The following COL4A6 variants were observed in gnomAD, a reference collection of about 807,000 sequenced individuals.
The protein encoded by COL4A6 is collagen alpha-6(IV) chain.
COL4A6 carries 59 observed loss-of-function variants against 126.7 expected under a neutral mutation model. The observed-to-expected ratio is 0.47, with a 90% CI of 0.38 to 0.58. The LOEUF is 0.58. Among genes scored for constraint, COL4A6 ranks in the 20% least tolerant of loss-of-function variants. The pLI is 0.00. For synonymous variants in COL4A6, 547 were observed against 496.6 expected (o/e 1.10, Z -1.35); for missense variants, 1,285 against 1,337.3 (o/e 0.96, Z 0.61).
intron 2 of COL4A6, among the ~76,000 whole-genome samples, chrX:108,316,634 T>C (rs890879354): frequency 2.7e-5 from 3 of 111,767 alleles, no homozygotes; most frequent in African/African-American, 9.8e-5. Context: ...AATCATAAAC[T>C]TTAGGGTGGG....
rs753004031 is a variant in COL4A6 at position 108,169,576 on chromosome X, G to A, written c.3610C>T (p.Pro1204Ser). 2.6e-5 allele frequency: 32 copies of A among 1,209,449 alleles called. No individual in the cohort carries two copies. The East Asian group carries it at 9.2e-4, about 35-fold the overall frequency. ...CCTGGATATCCTTTTTCTCCTTTGG[G>A]TCCAGGGAGACCAGCAGGCCCAGGC... ...GVPGPAGLPG[P>S]KGEKGYPGIG... The change falls in exon 37 of 45, where the codon CCC becomes TCC. Residue 1204 changes from proline (P) to serine (S), a missense_variant. Physicochemically the swap from Pro to Ser is moderately conservative, Grantham distance 74. Transcript: ENST00000334504.
chrX:108,406,273 T>A (rs750497370), intron 2 of COL4A6, among the ~76,000 whole-genome samples: 2 of 112,005 alleles, frequency 1.8e-5, no homozygotes, highest in South Asian at 7.5e-4. Flanking sequence ...ACCAAGCCCA[T>A]GAATCTGTTT....
chrX:108,351,699 G>T (rs961946400), intron 2 of COL4A6, among the ~76,000 whole-genome samples: 16 of 111,258 alleles, frequency 1.4e-4, no homozygotes, highest in Non-Finnish European at 1.3e-4. Context: ...TGCTTGTAGA[G>T]GCACAGAAAG....
chrX:108,209,461 GT>G (rs949074591), intron 8 of COL4A6, among the ~76,000 whole-genome samples: 2 of 111,116 alleles, frequency 1.8e-5, no homozygotes, highest in African/African-American at 6.5e-5. Context: ...GGAAAGAAAG[GT>G]TTTTTTCTTA....
chrX:108,217,950 G>C (rs944856410), intron 5 of COL4A6, among the ~76,000 whole-genome samples: 12 of 111,981 alleles, frequency 1.1e-4, no homozygotes, highest in Non-Finnish European at 9.4e-5. Flanking sequence ...GGAGCAGTAA[G>C]CTCATTAAGA....
In COL4A6 at chrX:108,194,663, G is replaced by A. The variant is rs141137445; in HGVS notation, c.949-76C>T. 7.6e-3 allele frequency: 7,350 copies of A among 962,307 alleles called. 300 individuals are homozygous for A. In the African/African-American group the frequency reaches 0.12, roughly 16 times the overall value. 79.3% of individuals were successfully genotyped at this position (962,307 alleles called of 1,213,427 possible). A position where few individuals can be genotyped will look rare whatever the true frequency, so the allele number is the denominator to read the frequency against. On this transcript the variant is annotated intron_variant, in intron 15 of 44. Coordinates refer to ENST00000334504, the MANE Select transcript of COL4A6 (RefSeq NM_033641.4). The stretch of plus-strand genomic sequence containing the variant: ...GAGTCTGGTCTTTGGATTAAGCCAG[G>A]GCAAATGGCACAGGGATCTTGGATG...
chrX:108,407,117 G>A lies in COL4A6; in HGVS notation c.63+30825C>T, dbSNP rs1181937855. 3.6e-5 allele frequency among the ~76,000 whole-genome samples: 4 copies of A among 112,320 alleles called. No individual in the cohort carries two copies. The East Asian group carries it at 1.1e-3, about 31-fold the overall frequency. On this transcript the variant is annotated intron_variant, in intron 2 of 44. Transcript: ENST00000334504. ...TACCAGAAATCTCAACTCTGGGAGC[G>A]AATTATATGTAATAGAACGGCTTTG...
intron 7 of COL4A6, among the ~76,000 whole-genome samples, 161 bp from the exon 8 acceptor site, chrX:108,210,165 G>A (rs1443359172): frequency 4.4e-5 from 5 of 112,469 alleles, no homozygotes; most frequent in African/African-American, 9.7e-5. Context: ...GGACATATTC[G>A]ACTGTTTAGA....
intron 2 of COL4A6, among the ~76,000 whole-genome samples, chrX:108,314,806 T>A (rs2038842418): frequency 8.9e-6 from 1 of 112,306 alleles, no homozygotes. Flanking sequence ...ATGGCAACAG[T>A]ATCTACTGTA....
At chrX:108,263,830 G>C (rs1277350942) in intron 3 of COL4A6, among the ~76,000 whole-genome samples, 5 of 111,401 alleles carry the variant, frequency 4.5e-5, no homozygotes, top group African/African-American at 1.6e-4. Flanking sequence ...GGAGCCACTG[G>C]CTTGGTGCAA....
At chrX:108,172,664 G>T in intron 31 of COL4A6, 132 bp from the exon 32 acceptor site, 1 of 456,131 alleles carries the variant, frequency 2.2e-6, no homozygotes, top group South Asian at 6.2e-5. Flanking sequence ...GTGGACTGTG[G>T]GCTGGAAGTG....
intron 13 of COL4A6, among the ~76,000 whole-genome samples, chrX:108,197,448 T>C (rs1367559298): frequency 8.9e-6 from 1 of 112,412 alleles, no homozygotes; most frequent in African/African-American, 3.2e-5. Context: ...TTTGTTGTTG[T>C]TTAAAATTGT....
chrX:108,342,198 C>G (rs945787702), intron 2 of COL4A6, among the ~76,000 whole-genome samples: 1 of 111,945 alleles, frequency 8.9e-6, no homozygotes, highest in African/African-American at 3.2e-5. Flanking sequence ...ATTATGCAAC[C>G]AACTCCCCTT....
chrX:108,215,242 GTTA>G (rs1172955485), intron 5 of COL4A6, among the ~76,000 whole-genome samples: 1 of 112,068 alleles, frequency 8.9e-6, no homozygotes, highest in African/African-American at 3.2e-5. Context: ...CATTTTCGTT[GTTA>G]TTATAGTTGT....
At chrX:108,277,746 A>T (rs1423669543) in intron 3 of COL4A6, among the ~76,000 whole-genome samples, 1 of 111,925 alleles carries the variant, frequency 8.9e-6, no homozygotes, top group Non-Finnish European at 1.9e-5. Context: ...ACCCCCCAGC[A>T]GGGGCAGACT....
intron 2 of COL4A6, among the ~76,000 whole-genome samples, chrX:108,350,107 G>A (rs1294732925): frequency 9.0e-6 from 1 of 111,588 alleles, no homozygotes; most frequent in Non-Finnish European, 1.9e-5. Flanking sequence ...GACAAAGATG[G>A]GAGAAATTCT....
intron 3 of COL4A6, among the ~76,000 whole-genome samples, chrX:108,298,835 A>C (rs2038407415): frequency 9.1e-6 from 1 of 110,170 alleles, no homozygotes; most frequent in Non-Finnish European, 1.9e-5. Context: ...GAGGAGGAAG[A>C]GGGAGAGACG....
chrX:108,181,377 T>G (rs1019291673), intron 23 of COL4A6, among the ~76,000 whole-genome samples: 4 of 112,518 alleles, frequency 3.6e-5, no homozygotes, highest in African/African-American at 1.3e-4. Context: ...GGGTCCATTA[T>G]GCTTATTTGA....
intron 2 of COL4A6, among the ~76,000 whole-genome samples, chrX:108,434,601 G>A (rs865945108): frequency 9.1e-5 from 10 of 110,410 alleles, no homozygotes; most frequent in African/African-American, 3.0e-4. Flanking sequence ...TAACACTTTA[G>A]ATAATAACAT....
Sources: allele counts gnomAD v4.1 joint callset (sites outside exome capture counted in the v4.1 genomes callset), GRCh38; gene constraint gnomAD v4.1.1; transcripts MANE v1.5; gene names NCBI Gene and HGNC (gene_info 2026-07-23, HGNC 2026-07-21).